The following PARD3B variants were observed in gnomAD, a reference collection of about 807,000 sequenced individuals.
PARD3B encodes the protein partitioning defective 3 homolog B.
A neutral mutation model predicts 130.2 loss-of-function variants in PARD3B; 103 were observed. The ratio of observed to expected loss-of-function variants is 0.79; its 90% confidence interval spans 0.67 to 0.93. PARD3B has a LOEUF of 0.93. PARD3B is among the 40% of genes least tolerant of loss of function. PARD3B has a pLI of 0.00. For synonymous variants in PARD3B, 583 were observed against 553.2 expected (o/e 1.05, Z -0.76); for missense variants, 1,609 against 1,499.2 (o/e 1.07, Z -1.21).
At chr2:205,169,981 A>T (rs1576047897) in intron 11 of PARD3B, among the ~76,000 whole-genome samples, 1 of 136,064 alleles carries the variant, frequency 7.3e-6, no homozygotes, top group African/African-American at 2.8e-5. Context: ...CCCAGGTTGG[A>T]GTGCAGTGGC....
chr2:205,193,267 C>G lies in PARD3B; in HGVS notation c.2087C>G (p.Pro696Arg), dbSNP rs112260624. ...DQHINFRSVT[P>R]ARQPESINLK... is the part of the protein sequence containing the mutation. ...CACATCAACTTCAGATCTGTGACACCGGCCAGGCAGCCTGAATCAATTAAT... is the reference window on the plus strand; with the variant it reads ...CACATCAACTTCAGATCTGTGACACGGGCCAGGCAGCCTGAATCAATTAAT... The change falls in exon 15 of 23, where the codon CCG becomes CGG. Residue 696 changes from proline to arginine, a missense_variant. By Grantham distance (103) the Pro-to-Arg change is moderately radical (BLOSUM62 -2). Transcript: ENST00000406610. 3 of 1,613,714 alleles carry G rather than the reference C, an allele frequency of 1.9e-6. No homozygotes were observed. The South Asian group carries it at 3.3e-5, about 18-fold the overall frequency.
chr2:204,820,676 G>A (rs1422616346), intron 2 of PARD3B, among the ~76,000 whole-genome samples: 7 of 151,888 alleles, frequency 4.6e-5, no homozygotes, highest in African/African-American at 1.7e-4. Context: ...TTAGCCAGAT[G>A]TGGTGGTGGG....
Position 205,460,313 on chromosome 2 carries a change from G to T in PARD3B, c.3044+19641G>T, listed in dbSNP as rs1052795952. On this transcript the variant is annotated intron_variant, in intron 20 of 22. Coordinates refer to ENST00000406610, the MANE Select transcript of PARD3B (RefSeq NM_001302769.2). This position sits in a 1 kb window ranked among gnomAD's most constrained non-coding sequence, Gnocchi z 4.9. The stretch of plus-strand genomic sequence containing the variant: ...TTTCTCTAAACTATATCAGATAAAG[G>T]ATGCCCAGAATTTGCTCAGATGTGA... Among the ~76,000 whole-genome samples the T allele has an allele frequency of 6.6e-6, 1 of 151,920 alleles. No individual in the cohort carries two copies. The highest frequency in any genetic ancestry group is 1.5e-5 in the Non-Finnish European group (1 of 68,000).
At chr2:205,175,063 A>G (rs918706345) in intron 12 of PARD3B, among the ~76,000 whole-genome samples, 1 of 152,124 alleles carries the variant, frequency 6.6e-6, no homozygotes, top group African/African-American at 2.4e-5. Flanking sequence ...AAAATCCATT[A>G]TATTTTTTAT....
chr2:205,478,799 CG>C (rs1187527393), intron 20 of PARD3B, among the ~76,000 whole-genome samples: 1 of 152,072 alleles, frequency 6.6e-6, no homozygotes, highest in Non-Finnish European at 1.5e-5. Context: ...TCACAGTTTC[CG>C]GACAGTTTCA....
rs1322258124 is a variant in PARD3B at position 205,069,899 on chromosome 2, G to A, written c.504+22209G>A. On this transcript the variant is annotated intron_variant, in intron 4 of 22. Coordinates refer to ENST00000406610, the MANE Select transcript of PARD3B (RefSeq NM_001302769.2). The stretch of plus-strand genomic sequence containing the variant: ...TACACTGCCTCATGTCAAGATTCTT[G>A]TTTAATCCCCCACTATCAAGGCTAC... Among the ~76,000 whole-genome samples, 3 of 152,138 alleles carry A rather than the reference G, an allele frequency of 2.0e-5. No individual in the cohort carries two copies. In the East Asian group the frequency reaches 5.8e-4, roughly 29 times the overall value.
At chr2:204,779,283 A>G (rs1440187425) in intron 2 of PARD3B, among the ~76,000 whole-genome samples, 5 of 152,126 alleles carry the variant, frequency 3.3e-5, no homozygotes, top group African/African-American at 4.8e-5. Flanking sequence ...ATTATGTTCT[A>G]TATTTTAAAA....
chr2:204,884,877 A>C (rs987521044), intron 2 of PARD3B, among the ~76,000 whole-genome samples: 1 of 152,104 alleles, frequency 6.6e-6, no homozygotes, highest in African/African-American at 2.4e-5. Flanking sequence ...TATCCAGTCT[A>C]TTGATGAGCA....
At chr2:205,117,918 C>CACACACACACACAT (rs1553617423) in intron 6 of PARD3B, among the ~76,000 whole-genome samples, 2 of 150,894 alleles carry the variant, frequency 1.3e-5, no homozygotes, top group South Asian at 2.1e-4. Flanking sequence ...TATGTGTGTA[C>CACACACACACACAT]ACACACACAC....
At chr2:204,695,788 T>C (rs1295137583) in intron 2 of PARD3B, among the ~76,000 whole-genome samples, 1 of 151,916 alleles carries the variant, frequency 6.6e-6, no homozygotes, top group East Asian at 1.9e-4. Flanking sequence ...TCAGAGAGGT[T>C]TGGAAGGGAG....
At chr2:205,478,138 A>G (rs1051621250) in intron 20 of PARD3B, among the ~76,000 whole-genome samples, 2 of 152,208 alleles carry the variant, frequency 1.3e-5, no homozygotes, top group East Asian at 1.9e-4. Context: ...TTCACGTGCA[A>G]TGAATGGTGT....
At chr2:205,227,325 C>T (rs2038609197) in intron 15 of PARD3B, among the ~76,000 whole-genome samples, 1 of 152,100 alleles carries the variant, frequency 6.6e-6, no homozygotes, top group Non-Finnish European at 1.5e-5. Flanking sequence ...GCCTCTTTAG[C>T]TTTAGTAATA....
rs55860815 is a variant in PARD3B, at chr2:205,187,946, A to G, written c.2024+2083A>G. ...GCAGTATTTGGTTATTAAGTCATTT[A>G]TTCACTTACTCATCCATTCAAAAGT... On this transcript the variant is annotated intron_variant, in intron 14 of 22. Coordinates refer to ENST00000406610, the MANE Select transcript of PARD3B (RefSeq NM_001302769.2). The surrounding 1 kb of genome is among the most constrained non-coding windows in gnomAD (Gnocchi z 4.9). Among the ~76,000 whole-genome samples the G allele has an allele frequency of 6.6e-6, 1 of 152,208 alleles. No individual in the cohort carries two copies. Among genetic ancestry groups the G allele is most frequent in the Non-Finnish European group, 1.5e-5 (1 of 68,032 alleles).
rs925878978 is a variant in PARD3B, at chr2:205,321,891, G to A, written c.2630+20190G>A. Among the ~76,000 whole-genome samples, 3 of 152,180 alleles carry A rather than the reference G, an allele frequency of 2.0e-5. No individual in the cohort carries two copies. Among genetic ancestry groups the A allele is most frequent in the African/African-American group, 7.2e-5 (3 of 41,438 alleles). On this transcript the variant is annotated intron_variant, in intron 18 of 22. Coordinates refer to ENST00000406610, the MANE Select transcript of PARD3B (RefSeq NM_001302769.2). This position sits in a 1 kb window ranked among gnomAD's most constrained non-coding sequence, Gnocchi z 4.2. Reference sequence around the variant, plus strand: ...CTTCAGAAGTAAACCTCTGTAAATAGGTGCAAATATCCTTGTGATAAAGCG... The same window carrying A: ...CTTCAGAAGTAAACCTCTGTAAATAAGTGCAAATATCCTTGTGATAAAGCG...
At chr2:204,938,787 A>G (rs1688662228) in intron 2 of PARD3B, among the ~76,000 whole-genome samples, 1 of 152,172 alleles carries the variant, frequency 6.6e-6, no homozygotes, top group South Asian at 2.1e-4. Flanking sequence ...ACTGGGCTAG[A>G]TCATAAGCCA....
intron 4 of PARD3B, among the ~76,000 whole-genome samples, chr2:205,092,186 A>G (rs533925258): frequency 3.9e-5 from 6 of 152,260 alleles, no homozygotes; most frequent in African/African-American, 1.2e-4. Flanking sequence ...AATATTAATT[A>G]AAATGATGGA....
chr2:204,982,665 G>A (rs1008556082), intron 3 of PARD3B, among the ~76,000 whole-genome samples: 8 of 152,134 alleles, frequency 5.3e-5, no homozygotes, highest in Admixed American at 3.9e-4. Flanking sequence ...TTTTAATTAG[G>A]TATATGGTGA....
At chr2:204,736,727 C>T (rs541352911) in intron 2 of PARD3B, among the ~76,000 whole-genome samples, 1 of 152,258 alleles carries the variant, frequency 6.6e-6, no homozygotes, top group East Asian at 1.9e-4. Flanking sequence ...GTGAATTGTG[C>T]TGCTGTAAAC....
chr2:205,084,115 A>G (rs981030987), intron 4 of PARD3B, among the ~76,000 whole-genome samples: 5 of 152,142 alleles, frequency 3.3e-5, no homozygotes, highest in African/African-American at 9.6e-5. Flanking sequence ...TCTAAGGATC[A>G]GTTTGTGTGC....
Sources: allele counts gnomAD v4.1 joint callset (sites outside exome capture counted in the v4.1 genomes callset), GRCh38; gene constraint gnomAD v4.1.1; non-coding constraint Gnocchi (gnomAD v3.1); transcripts MANE v1.5; gene names NCBI Gene and HGNC (gene_info 2026-07-23, HGNC 2026-07-21).